The following DRC4 variants were observed in gnomAD, a reference collection of about 807,000 sequenced individuals.
DRC4 encodes dynein regulatory complex subunit 4.
At chr16:90,044,305 G>C in the DRC4 span, 1 of 428,144 alleles carries the variant, frequency 2.3e-6, no homozygotes, top group African/African-American at 2.1e-5. Flanking sequence ...GCAGGTGAGT[G>C]ACGGGTGTGT....
chr16:90,036,794 A>T, the DRC4 span: 1 of 692,478 alleles, frequency 1.4e-6, no homozygotes, highest in South Asian at 1.5e-5. Context: ...CAGTCAGGAT[A>T]TTGCCCTCAC....
chr16:90,034,625 A>C, the DRC4 span, among the ~76,000 whole-genome samples: 1 of 152,304 alleles, frequency 6.6e-6, no homozygotes. Context: ...CTGTCTCAAA[A>C]AAAAGAAAAA....
At chr16:90,030,275 A>T in the DRC4 span, among the ~76,000 whole-genome samples, 13 of 151,618 alleles carry the variant, frequency 8.6e-5, no homozygotes, top group African/African-American at 2.4e-4. Context: ...TCATTTGCAT[A>T]TTTTTTTTGG....
the DRC4 span, chr16:90,027,847 C>G: frequency 2.4e-6 from 2 of 827,498 alleles, no homozygotes; most frequent in Non-Finnish European, 3.9e-6. Context: ...AACACGCCCC[C>G]CGCGTGGCCC....
the DRC4 span, among the ~76,000 whole-genome samples, chr16:90,034,827 GA>G: frequency 1.3e-5 from 2 of 148,264 alleles, no homozygotes; most frequent in Admixed American, 1.3e-4. Flanking sequence ...AGTCTCAAGT[GA>G]TCCTTCTGCC....
At chr16:90,027,639 C>T in the DRC4 span, 2 of 1,613,934 alleles carry the variant, frequency 1.2e-6, no homozygotes, top group African/African-American at 2.7e-5. Flanking sequence ...ACCAAAGGCA[C>T]CGAAAAAGAA....
the DRC4 span, chr16:90,035,761 A>G: frequency 6.2e-7 from 1 of 1,613,696 alleles, no homozygotes; most frequent in Admixed American, 1.7e-5. Context: ...TTACCTCCAG[A>G]GCTTGTTAAC....
chr16:90,028,173 A>ATTTTTTTTT, the DRC4 span, among the ~76,000 whole-genome samples: 680 of 63,854 alleles, frequency 0.011, 157 homozygotes, highest in Middle Eastern at 0.033. Flanking sequence ...TTAATCGTTC[A>ATTTTTTTTT]TTTTTTTTTT....
At chr16:90,021,474 A>G in the DRC4 span, among the ~76,000 whole-genome samples, 1 of 151,692 alleles carries the variant, frequency 6.6e-6, no homozygotes, top group African/African-American at 2.4e-5. Context: ...GCTGGAGTGA[A>G]GTGGTGTGAT....
the DRC4 span, chr16:90,022,737 G>T: frequency 1.4e-6 from 2 of 1,414,036 alleles, no homozygotes; most frequent in Non-Finnish European, 1.9e-6. Flanking sequence ...GAGCAGGGGC[G>T]GGAGCGGGGC....
the DRC4 span, among the ~76,000 whole-genome samples, chr16:90,023,382 C>G: frequency 1.3e-5 from 2 of 152,136 alleles, no homozygotes; most frequent in Non-Finnish European, 2.9e-5. Flanking sequence ...CTGTCTTTCT[C>G]TTGTAAAGGG....
the DRC4 span, chr16:90,044,329 A>T: frequency 7.0e-5 from 29 of 415,452 alleles, no homozygotes; most frequent in African/African-American, 5.6e-4. Context: ...CGTAGAGTCT[A>T]TTGCTGCCTG....
the DRC4 span, chr16:90,036,632 A>T: frequency 2.0e-6 from 3 of 1,525,762 alleles, no homozygotes; most frequent in Non-Finnish European, 2.7e-6. Flanking sequence ...TGCCTGTCCT[A>T]GAATGTGGGC....
the DRC4 span, chr16:90,035,639 A>G: frequency 6.2e-6 from 10 of 1,614,120 alleles, no homozygotes; most frequent in Non-Finnish European, 7.6e-6. Flanking sequence ...GCAGAAACAC[A>G]CCGAGGAGAT....
chr16:90,035,008 A>G, the DRC4 span, among the ~76,000 whole-genome samples: 26 of 143,082 alleles, frequency 1.8e-4, no homozygotes, highest in Non-Finnish European at 3.9e-4. Flanking sequence ...GGTTCAAGCT[A>G]TTCTCCTGCC....
chr16:90,044,426 C>T, the DRC4 span: 1 of 455,542 alleles, frequency 2.2e-6, no homozygotes, highest in Non-Finnish European at 4.6e-6. Flanking sequence ...TAAATGATGC[C>T]CGGCCAGCAG....
chr16:90,032,940 G>A, the DRC4 span: 205,203 of 1,605,108 alleles, frequency 0.13, 22,421 homozygotes, highest in East Asian at 0.65. Flanking sequence ...TGTGGCGGGG[G>A]CACCTGGAGG....
chr16:90,031,145 C>G, the DRC4 span: 4 of 1,498,860 alleles, frequency 2.7e-6, no homozygotes, highest in Non-Finnish European at 3.6e-6. Context: ...CCGGAGCTTC[C>G]TAGCCTTATA....
chr16:90,027,584 C>A, the DRC4 span: 1 of 1,576,736 alleles, frequency 6.3e-7, no homozygotes, highest in Non-Finnish European at 8.7e-7. Context: ...TCAGAGCCAG[C>A]CAAGAAGGGG....
Sources: gnomAD v4.1 joint callset for allele counts (sites outside exome capture counted in the v4.1 genomes callset) on GRCh38, gnomAD v4.1.1 for gene constraint, MANE v1.5 for transcripts, NCBI Gene and HGNC (gene_info 2026-07-23, HGNC 2026-07-21) for gene names.